Variants in NDUFAF2 observed in about 807,000 individuals in gnomAD.
NDUFAF2 encodes NADH dehydrogenase [ubiquinone] 1 alpha subcomplex assembly factor 2.
A neutral mutation model predicts 22.8 loss-of-function variants in NDUFAF2; 13 were observed. That is an observed-to-expected ratio of 0.57 (90% CI 0.37 to 0.91). The LOEUF is 0.91. NDUFAF2 is among the 40% of genes least tolerant of loss of function. The probability of loss-of-function intolerance (pLI) is 0.01; values close to 1 mark genes in which losing one functional copy is unlikely to be tolerated. For synonymous variants in NDUFAF2, 53 were observed against 64.2 expected (o/e 0.83, Z 0.84); for missense variants, 162 against 195.2 (o/e 0.83, Z 1.01).
At chr5:61,120,672 C>T (rs1752964447) in intron 3 of NDUFAF2, among the ~76,000 whole-genome samples, 1 of 152,064 alleles carries the variant, frequency 6.6e-6, no homozygotes, top group Non-Finnish European at 1.5e-5. Context: ...TTTTAAGAGT[C>T]ATCAAAACTT....
intron 1 of NDUFAF2, among the ~76,000 whole-genome samples, chr5:61,048,187 G>GT (rs1214364159): frequency 6.6e-6 from 1 of 151,958 alleles, no homozygotes; most frequent in East Asian, 1.9e-4. Flanking sequence ...TCCCTTGGCT[G>GT]TTTCTTCCCT....
intron 3 of NDUFAF2, among the ~76,000 whole-genome samples, chr5:61,119,936 T>TTACCTGAAATCCTATGTCTGGCTGC (rs1416947957): frequency 1.4e-4 from 21 of 152,174 alleles, no homozygotes; most frequent in Non-Finnish European, 1.5e-4. Flanking sequence ...AAGTAATAGA[T>TTACCTGAAATCCTATGTCTGGCTGC]TACCTGAAAT....
intron 3 of NDUFAF2, among the ~76,000 whole-genome samples, chr5:61,131,115 CT>C (rs1433166252): frequency 6.6e-6 from 1 of 151,942 alleles, no homozygotes; most frequent in South Asian, 2.1e-4. Flanking sequence ...AAAGACTTCT[CT>C]TTTTTGTATT....
chr5:61,057,610 A>C (rs1752115583), intron 1 of NDUFAF2, among the ~76,000 whole-genome samples: 1 of 152,108 alleles, frequency 6.6e-6, no homozygotes, highest in African/African-American at 2.4e-5. Context: ...GGAGGGGAGA[A>C]AAGGTGGGTG....
At chr5:60,980,846 T>C (rs185837157) in intron 1 of NDUFAF2, among the ~76,000 whole-genome samples, 1 of 151,986 alleles carries the variant, frequency 6.6e-6, no homozygotes, top group East Asian at 1.9e-4. Flanking sequence ...AGCAGAAGAA[T>C]TAGTGAGCTT....
chr5:60,965,212 C>T (rs1232581900), intron 1 of NDUFAF2, among the ~76,000 whole-genome samples: 2 of 152,160 alleles, frequency 1.3e-5, no homozygotes, highest in Non-Finnish European at 2.9e-5. Flanking sequence ...TCTGACTTGA[C>T]ATAGCTGAGA....
chr5:61,027,881 T>C (rs1315531266), intron 1 of NDUFAF2, among the ~76,000 whole-genome samples: 1 of 152,040 alleles, frequency 6.6e-6, no homozygotes, highest in African/African-American at 2.4e-5. Context: ...GTATGAGATA[T>C]AATTCATTCA....
At chr5:60,985,654 C>T (rs1751063666) in intron 1 of NDUFAF2, among the ~76,000 whole-genome samples, 1 of 151,906 alleles carries the variant, frequency 6.6e-6, no homozygotes, top group South Asian at 2.1e-4. Flanking sequence ...CGTTATGTAC[C>T]CAGTAGTCAT....
intron 2 of NDUFAF2, among the ~76,000 whole-genome samples, chr5:61,075,922 C>T (rs549442994): frequency 6.6e-6 from 1 of 152,180 alleles, no homozygotes; most frequent in African/African-American, 2.4e-5. Flanking sequence ...TAGTAGGTAT[C>T]TATTAAGGAC....
chr5:61,041,934 T>G (rs1239279752), intron 1 of NDUFAF2, among the ~76,000 whole-genome samples: 1 of 152,216 alleles, frequency 6.6e-6, no homozygotes. Flanking sequence ...CAGATGTGCT[T>G]CTTGAAGTCT....
chr5:61,092,348 C>T (rs867761182), intron 2 of NDUFAF2, among the ~76,000 whole-genome samples: 4 of 152,074 alleles, frequency 2.6e-5, no homozygotes, highest in South Asian at 2.1e-4. Context: ...CCAGTCCGTG[C>T]GCATTGAGTG....
intron 3 of NDUFAF2, among the ~76,000 whole-genome samples, chr5:61,144,902 C>T (rs559912526): frequency 1.3e-5 from 2 of 152,236 alleles, no homozygotes; most frequent in Admixed American, 6.5e-5. Context: ...CAAATATCCA[C>T]GCATGTTATC....
At chr5:61,035,386 T>C (rs1349749821) in intron 1 of NDUFAF2, among the ~76,000 whole-genome samples, 2 of 145,340 alleles carry the variant, frequency 1.4e-5, no homozygotes, top group African/African-American at 2.6e-5. Context: ...TTTTAATGGC[T>C]GGCAGAGAAT....
chr5:61,142,299 G>C (rs997355590), intron 3 of NDUFAF2, among the ~76,000 whole-genome samples: 1 of 152,110 alleles, frequency 6.6e-6, no homozygotes, highest in African/African-American at 2.4e-5. Context: ...AACTGTTAAT[G>C]ACTTGAGCTC....
At chr5:61,110,821 T>A (rs1475794061) in intron 3 of NDUFAF2, among the ~76,000 whole-genome samples, 1 of 152,050 alleles carries the variant, frequency 6.6e-6, no homozygotes, top group East Asian at 1.9e-4. Flanking sequence ...TTTCATTTGT[T>A]TCTGCTTTGA....
In NDUFAF2 at chr5:60,994,108, G is replaced by A. The variant is rs188968996; in HGVS notation, c.127+48726G>A. Among the ~76,000 whole-genome samples, 138 of 152,340 alleles carry A rather than the reference G, an allele frequency of 9.1e-4. No homozygotes were observed. The East Asian group carries it at 0.014, about 15-fold the overall frequency. ...AAAATCCAGAGGGGGCTGAGGTGGC[G>A]GGGGCTGGCATGTCAGCACTGCCCT... On this transcript the variant is annotated intron_variant, in intron 1 of 3. Coordinates refer to ENST00000296597, the MANE Select transcript of NDUFAF2 (RefSeq NM_174889.5).
chr5:60,968,246 AG>A (rs1458655071), intron 1 of NDUFAF2, among the ~76,000 whole-genome samples: 1 of 151,782 alleles, frequency 6.6e-6, no homozygotes, highest in East Asian at 1.9e-4. Context: ...GTCTATCTAA[AG>A]GTTTGACCAT....
chr5:61,089,493 G>A (rs1752541912), intron 2 of NDUFAF2, among the ~76,000 whole-genome samples: 1 of 152,120 alleles, frequency 6.6e-6, no homozygotes, highest in African/African-American at 2.4e-5. Context: ...TTGGGAAATT[G>A]GGTATGATTT....
intron 1 of NDUFAF2, among the ~76,000 whole-genome samples, chr5:61,063,372 G>A (rs572156961): frequency 1.3e-5 from 2 of 151,442 alleles, no homozygotes; most frequent in South Asian, 4.2e-4. Flanking sequence ...GCTGGGTGTT[G>A]TGGCACACAC....
Sources: allele counts gnomAD v4.1 joint callset (sites outside exome capture counted in the v4.1 genomes callset), GRCh38; gene constraint gnomAD v4.1.1; transcripts MANE v1.5; gene names NCBI Gene and HGNC (gene_info 2026-07-23, HGNC 2026-07-21).